EFHD1: variants seen among roughly 807,000 people sequenced by gnomAD.
The protein encoded by EFHD1 is EF-hand domain family member D1.
EFHD1 carries 10 observed loss-of-function variants against 17.2 expected under a neutral mutation model. The observed-to-expected ratio is 0.58, with a 90% CI of 0.36 to 0.99. The LOEUF (loss-of-function observed/expected upper bound fraction) is 0.99, where lower values mean the gene tolerates loss of function less well. EFHD1 is among the 50% of genes least tolerant of loss of function. The pLI is 0.01. For missense variants in EFHD1, 310 were observed against 327.5 expected (o/e 0.95, Z 0.41); for synonymous variants, 153 against 142.0 (o/e 1.08, Z -0.55).
In EFHD1 at chr2:232,681,832, C is replaced by T. The variant is rs1356483401; in HGVS notation, c.*113C>T. Reference sequence around the variant, plus strand: ...CCCCTCCCTGAGCCAGCATCTCCATCCACCACCCCGTGCCAGCTCCCGTGC... The same window carrying T: ...CCCCTCCCTGAGCCAGCATCTCCATTCACCACCCCGTGCCAGCTCCCGTGC... On this transcript the variant is annotated 3_prime_UTR_variant, in exon 4 of 4. Transcript: ENST00000264059. The T allele has an allele frequency of 1.3e-5, 18 of 1,439,862 alleles. No homozygotes were observed. Among genetic ancestry groups the T allele is most frequent in the Non-Finnish European group, 1.7e-5 (18 of 1,083,000 alleles). 89.2% of individuals were successfully genotyped at this position (1,439,862 alleles called of 1,614,324 possible).
intron 1 of EFHD1, among the ~76,000 whole-genome samples, chr2:232,642,373 C>CAAAAAA (rs764647177): frequency 1.9e-4 from 13 of 68,932 alleles, no homozygotes; most frequent in Non-Finnish European, 3.2e-4. Flanking sequence ...GACTCTGTCT[C>CAAAAAA]AAAAAAAAAA....
intron 1 of EFHD1, chr2:232,638,047 G>T (rs936593611): frequency 9.6e-6 from 2 of 208,980 alleles, no homozygotes; most frequent in Admixed American, 1.0e-4. Context: ...GCCAGAGAAA[G>T]TTCCCTCTCC....
chr2:232,671,304 T>C (rs1574733574), intron 2 of EFHD1, among the ~76,000 whole-genome samples: 1 of 149,942 alleles, frequency 6.7e-6, no homozygotes, highest in East Asian at 2.0e-4. Flanking sequence ...CCAGGTGTGG[T>C]GGCACACGCC....
chr2:232,675,050 C>G (rs887116467), intron 3 of EFHD1, among the ~76,000 whole-genome samples: 21 of 152,060 alleles, frequency 1.4e-4, no homozygotes, highest in African/African-American at 4.8e-4. Context: ...GTGGTGCACA[C>G]CTGTAATCCC....
intron 1 of EFHD1, among the ~76,000 whole-genome samples, chr2:232,627,441 G>T (rs1210498564): frequency 6.6e-6 from 1 of 152,034 alleles, no homozygotes; most frequent in African/African-American, 2.4e-5. Flanking sequence ...TAAACCTCAA[G>T]AAATCACTAC....
At chr2:232,642,928 A>T (rs1186320674) in intron 1 of EFHD1, among the ~76,000 whole-genome samples, 1 of 152,208 alleles carries the variant, frequency 6.6e-6, no homozygotes, top group Non-Finnish European at 1.5e-5. Context: ...ACTCTGCCCC[A>T]AACTCACTAA....
At chr2:232,642,601 A>G (rs1694453543) in intron 1 of EFHD1, among the ~76,000 whole-genome samples, 1 of 152,114 alleles carries the variant, frequency 6.6e-6, no homozygotes, top group African/African-American at 2.4e-5. Flanking sequence ...TTGGAGGGAA[A>G]TGGGAGATAA....
intron 3 of EFHD1, among the ~76,000 whole-genome samples, chr2:232,680,910 TAATCCCAGC>T (rs1695268250): frequency 6.7e-6 from 1 of 149,898 alleles, no homozygotes; most frequent in Non-Finnish European, 1.5e-5. Context: ...CTCACGCCTG[TAATCCCAGC>T]ACTTTGGGAG....
intron 1 of EFHD1, among the ~76,000 whole-genome samples, chr2:232,652,076 C>A (rs1182731867): frequency 1.3e-5 from 2 of 152,170 alleles, no homozygotes; most frequent in Non-Finnish European, 2.9e-5. Flanking sequence ...CAGCACCACA[C>A]CCCTCAGAGG....
At chr2:232,653,169 T>C (rs1435755540) in intron 1 of EFHD1, among the ~76,000 whole-genome samples, 2 of 152,132 alleles carry the variant, frequency 1.3e-5, no homozygotes, top group African/African-American at 4.8e-5. Flanking sequence ...AATTTTTGTA[T>C]TTTTATTAGA....
At chr2:232,646,712 G>A in intron 1 of EFHD1, among the ~76,000 whole-genome samples, 1 of 152,156 alleles carries the variant, frequency 6.6e-6, no homozygotes. Flanking sequence ...CCCAGAAAGT[G>A]CTGGGATTAC....
chr2:232,645,135 G>A (rs1694505238), intron 1 of EFHD1, among the ~76,000 whole-genome samples: 1 of 151,934 alleles, frequency 6.6e-6, no homozygotes, highest in Non-Finnish European at 1.5e-5. Context: ...CAGTCATGTT[G>A]CTGAATGAAG....
At position 232,633,915 on chromosome 2, in the gene EFHD1, CGGCCCCGGCGCTGCAG is replaced by C; in HGVS notation, c.214_229del (p.Pro72SerfsTer36). 4 of 1,585,022 alleles carry C rather than the reference CGGCCCCGGCGCTGCAG, an allele frequency of 2.5e-6. No individual in the cohort carries two copies. Among genetic ancestry groups the C allele is most frequent in the Non-Finnish European group, 3.4e-6 (4 of 1,174,386 alleles). The stretch of plus-strand genomic sequence containing the variant: ...GCTGGACATCAACGAGGGCGCTGCG[CGGCCCCGGCGCTGCAG>C]GGTCTTCAACCCCTACACGGAGTTC... On this transcript the variant is annotated frameshift_variant, in exon 1 of 4. Transcript: ENST00000264059. LOFTEE classifies it high-confidence loss of function.
At chr2:232,654,588 G>A (rs925073990) in intron 1 of EFHD1, among the ~76,000 whole-genome samples, 1 of 151,784 alleles carries the variant, frequency 6.6e-6, no homozygotes, top group African/African-American at 2.4e-5. Flanking sequence ...CACCCCACCA[G>A]GCTAGTTTTT....
chr2:232,663,051 G>T, intron 2 of EFHD1, 102 bp downstream of exon 2: 3 of 1,316,094 alleles, frequency 2.3e-6, no homozygotes, highest in African/African-American at 1.5e-5. Flanking sequence ...TCTCCAGAGC[G>T]CTGTTTGCGT....
At chr2:232,667,974 C>T (rs1356377748) in intron 2 of EFHD1, among the ~76,000 whole-genome samples, 4 of 152,322 alleles carry the variant, frequency 2.6e-5, no homozygotes, top group Admixed American at 6.5e-5. Context: ...CATCATCGGC[C>T]GAAGCCATGA....
At chr2:232,615,567 G>A (rs1693912860) in intron 1 of EFHD1, among the ~76,000 whole-genome samples, 1 of 152,028 alleles carries the variant, frequency 6.6e-6, no homozygotes, top group Admixed American at 6.6e-5. Context: ...AGAGATCACG[G>A]GCCTGCATGC....
At chr2:232,643,002 A>C (rs1694460172) in intron 1 of EFHD1, among the ~76,000 whole-genome samples, 1 of 152,188 alleles carries the variant, frequency 6.6e-6, no homozygotes, top group South Asian at 2.1e-4. Context: ...GCCCTGGGGC[A>C]GTGGTTGGTT....
intron 1 of EFHD1, among the ~76,000 whole-genome samples, chr2:232,621,524 C>T (rs1694017973): frequency 6.6e-6 from 1 of 152,176 alleles, no homozygotes; most frequent in Admixed American, 6.6e-5. Flanking sequence ...GCAATCTCAG[C>T]TCACTGCAAC....
Sources: allele counts gnomAD v4.1 joint callset (sites outside exome capture counted in the v4.1 genomes callset), GRCh38; gene constraint gnomAD v4.1.1; transcripts MANE v1.5; gene names NCBI Gene and HGNC (gene_info 2026-07-23, HGNC 2026-07-21).